SFMBT2: variants seen among roughly 807,000 people sequenced by gnomAD.
SFMBT2 encodes Scm like with four mbt domains 2.
In SFMBT2, 38 loss-of-function variants were observed where a neutral mutation model predicts 110.1. The ratio of observed to expected loss-of-function variants is 0.35; its 90% CI spans 0.27 to 0.45. The LOEUF (loss-of-function observed/expected upper bound fraction) is 0.45, where lower values mean the gene tolerates loss of function less well. Among genes scored for constraint, SFMBT2 ranks in the 20% least tolerant of loss-of-function variants. The pLI is 1.00. For synonymous variants in SFMBT2, 425 were observed against 425.4 expected (o/e 1.00, Z 0.01); for missense variants, 1,011 against 1,094.9 (o/e 0.92, Z 1.08).
intron 4 of SFMBT2, among the ~76,000 whole-genome samples, chr10:7,320,008 GAGA>G (rs970782215): frequency 3.3e-5 from 5 of 151,736 alleles, no homozygotes; most frequent in African/African-American, 9.7e-5. Context: ...GAGGGAGACA[GAGA>G]AGGAGAGAGA....
chr10:7,339,865 C>A (rs1463105587), intron 4 of SFMBT2, among the ~76,000 whole-genome samples: 1 of 152,202 alleles, frequency 6.6e-6, no homozygotes, highest in Non-Finnish European at 1.5e-5. Context: ...AATGCCTAGA[C>A]CGGTGGCCAG....
At chr10:7,366,575 G>A (rs765670118) in intron 4 of SFMBT2, among the ~76,000 whole-genome samples, 3 of 152,292 alleles carry the variant, frequency 2.0e-5, no homozygotes, top group Middle Eastern at 3.4e-3. Flanking sequence ...AGCTAGCTAC[G>A]AAGAGGACAC....
intron 9 of SFMBT2, among the ~76,000 whole-genome samples, chr10:7,230,858 G>T (rs149545830): frequency 6.6e-6 from 1 of 152,044 alleles, no homozygotes; most frequent in Non-Finnish European, 1.5e-5. Flanking sequence ...GCTTGAACCC[G>T]GAGGCGGAGA....
At chr10:7,371,129 T>G (rs1845053094) in intron 2 of SFMBT2, among the ~76,000 whole-genome samples, 1 of 152,202 alleles carries the variant, frequency 6.6e-6, no homozygotes, top group Non-Finnish European at 1.5e-5. Context: ...TGTTTTTTGT[T>G]TTGTTTTTTT....
At chr10:7,196,519 C>T (rs17332285) in intron 15 of SFMBT2, among the ~76,000 whole-genome samples, 9,411 of 152,306 alleles carry the variant, frequency 0.062, 398 homozygotes, top group Non-Finnish European at 0.088. Flanking sequence ...CTCTCTCGGA[C>T]GCCCAACTGT....
At chr10:7,221,397 A>C (rs1203789408) in intron 10 of SFMBT2, among the ~76,000 whole-genome samples, 1 of 151,678 alleles carries the variant, frequency 6.6e-6, no homozygotes, top group African/African-American at 2.4e-5. Flanking sequence ...TGAAACTCCA[A>C]CTCTACTAAA....
chr10:7,315,034 G>GA (rs1842955624), intron 4 of SFMBT2, among the ~76,000 whole-genome samples: 1 of 114,994 alleles, frequency 8.7e-6, no homozygotes, highest in African/African-American at 3.4e-5. Context: ...GAGAAAGAAA[G>GA]AAAGAGAAAG....
chr10:7,172,676 A>T lies in SFMBT2; in HGVS notation c.1985-15T>A. ...ATAGTAATAGGCTGTAGGAAGGAAGATGAGAAACTTTTGAAGGCTATACAC... is the reference window on the plus strand; with the variant it reads ...ATAGTAATAGGCTGTAGGAAGGAAGTTGAGAAACTTTTGAAGGCTATACAC... On this transcript the variant is annotated splice_polypyrimidine_tract_variant and intron_variant, in intron 17 of 20. Coordinates refer to ENST00000397167, the MANE Select transcript of SFMBT2 (RefSeq NM_001387889.1). This position sits in a 1 kb window ranked among gnomAD's most constrained non-coding sequence, Gnocchi z 4.6. The T allele has an allele frequency of 1.9e-6, 3 of 1,606,836 alleles. No homozygotes were observed. The highest frequency in any genetic ancestry group is 1.7e-6 in the Non-Finnish European group (2 of 1,175,598).
chr10:7,310,364 G>T (rs1243080739), intron 4 of SFMBT2, among the ~76,000 whole-genome samples: 3 of 152,210 alleles, frequency 2.0e-5, no homozygotes, highest in African/African-American at 7.2e-5. Context: ...CAACTGCTGG[G>T]ATCTCATGCC....
intron 2 of SFMBT2, 97 bp from the exon 3 acceptor site, chr10:7,370,472 C>G (rs964547710): frequency 8.0e-6 from 8 of 1,005,096 alleles, no homozygotes; most frequent in Non-Finnish European, 1.2e-5. Context: ...ATACAAGACA[C>G]AAGCTAATTC....
intron 9 of SFMBT2, among the ~76,000 whole-genome samples, chr10:7,233,318 A>G (rs1173337445): frequency 6.6e-6 from 1 of 152,156 alleles, no homozygotes. Context: ...TCCAGCGACT[A>G]CTGGGAGTAA....
At chr10:7,337,454 A>C (rs1476060107) in intron 4 of SFMBT2, among the ~76,000 whole-genome samples, 2 of 152,180 alleles carry the variant, frequency 1.3e-5, no homozygotes, top group Non-Finnish European at 2.9e-5. Flanking sequence ...CTAATGGTTT[A>C]ACGCCATCCT....
chr10:7,410,083 A>C (rs994336625), intron 1 of SFMBT2, among the ~76,000 whole-genome samples: 3 of 152,260 alleles, frequency 2.0e-5, no homozygotes, highest in Non-Finnish European at 2.9e-5. Flanking sequence ...ATATTAAAAA[A>C]TAAACTCCAG....
chr10:7,321,297 G>T (rs1409215713), intron 4 of SFMBT2, among the ~76,000 whole-genome samples: 1 of 151,862 alleles, frequency 6.6e-6, no homozygotes. Context: ...CGCCTCCCGG[G>T]TTCATGCCAT....
At chr10:7,329,136 A>G (rs1299297150) in intron 4 of SFMBT2, among the ~76,000 whole-genome samples, 1 of 152,258 alleles carries the variant, frequency 6.6e-6, no homozygotes, top group African/African-American at 2.4e-5. Flanking sequence ...GAACTACCTC[A>G]AATAACAGTA....
chr10:7,192,166 A>G (rs886595361), intron 15 of SFMBT2, among the ~76,000 whole-genome samples: 2 of 152,196 alleles, frequency 1.3e-5, no homozygotes, highest in Non-Finnish European at 2.9e-5. Flanking sequence ...TGGGTTAACT[A>G]ATGTTCAGCA....
At chr10:7,384,537 T>A (rs1222763717) in intron 1 of SFMBT2, among the ~76,000 whole-genome samples, 1 of 152,032 alleles carries the variant, frequency 6.6e-6, no homozygotes, top group African/African-American at 2.4e-5. Flanking sequence ...TAAAAAAAAA[T>A]GAAGTTATCT....
At chr10:7,288,526 T>C (rs892897518) in intron 4 of SFMBT2, among the ~76,000 whole-genome samples, 7 of 152,166 alleles carry the variant, frequency 4.6e-5, no homozygotes, top group African/African-American at 1.4e-4. Context: ...GATGTAGTCA[T>C]CATTCTTCAA....
At chr10:7,388,148 G>A (rs973375504) in intron 1 of SFMBT2, among the ~76,000 whole-genome samples, 7 of 151,744 alleles carry the variant, frequency 4.6e-5, no homozygotes, top group Non-Finnish European at 7.4e-5. Context: ...CCAGGCATGC[G>A]AAGGCATCTG....
Sources: gnomAD v4.1 joint callset for allele counts (sites outside exome capture counted in the v4.1 genomes callset) on GRCh38, gnomAD v4.1.1 for gene constraint, Gnocchi (gnomAD v3.1) non-coding constraint, MANE v1.5 for transcripts, NCBI Gene and HGNC (gene_info 2026-07-23, HGNC 2026-07-21) for gene names.